Variants in LIPC observed in about 807,000 individuals in gnomAD.
LIPC encodes hepatic triacylglycerol lipase.
A neutral mutation model predicts 50.7 loss-of-function variants in LIPC; 44 were observed. That is an observed-to-expected ratio of 0.87 (90% confidence interval 0.68 to 1.11). The LOEUF (loss-of-function observed/expected upper bound fraction) is 1.11. Among genes scored for constraint, LIPC ranks in the 50% most tolerant of loss-of-function variants. The pLI, the probability that LIPC is intolerant of heterozygous loss-of-function variation, is 0.00. For missense variants in LIPC, 697 were observed against 648.2 expected (o/e 1.08, Z -0.82); for synonymous variants, 271 against 256.4 (o/e 1.06, Z -0.54).
At position 58,568,721 on chromosome 15, in the gene LIPC, C is replaced by T; in HGVS notation, c.1394C>T (p.Thr465Ile). ...GCTTCCTGTTTTCTATTCAGAATGA[C>T]ATTTTGTTCAGAAAACACAGATGAC... The part of the protein sequence containing the change: ...VKAGETQQRM[T>I]FCSENTDDLL... The change falls in exon 9 of 9, where the codon ACA (threonine) becomes ATA (isoleucine). Residue 465 changes from threonine (T) to isoleucine (I), a missense_variant. Coordinates refer to ENST00000299022, the MANE Select transcript of LIPC (RefSeq NM_000236.3). The T allele has an allele frequency of 2.5e-6, 4 of 1,581,408 alleles. No homozygotes were observed. Among genetic ancestry groups the T allele is most frequent in the Non-Finnish European group, 3.5e-6 (4 of 1,151,014 alleles).
At chr15:58,542,474 C>G in intron 3 of LIPC, 60 bp from the exon 4 acceptor site, 1 of 1,129,350 alleles carries the variant, frequency 8.9e-7, no homozygotes, top group Non-Finnish European at 1.4e-6. Flanking sequence ...CACACTGGAC[C>G]GCAAAAGGCT....
At chr15:58,530,497 C>T (rs1418311761) in intron 1 of LIPC, among the ~76,000 whole-genome samples, 1 of 152,238 alleles carries the variant, frequency 6.6e-6, no homozygotes, top group Non-Finnish European at 1.5e-5. Context: ...CAGCCTATGC[C>T]GCTCAACCTG....
Position 58,548,553 on chromosome 15 carries a change from A to G in LIPC, c.1032A>G (p.Arg344=). The change falls in exon 6 of 9, where the codon CGA becomes CGG. Residue 344 remains arginine, a synonymous_variant. Transcript: ENST00000299022. ...GCAAGAGGCTCTTCCTCGTAACGCGAGCCCAGTCCCCCTTCAAAGGTGAGT... is the reference window on the plus strand; with the variant it reads ...GCAAGAGGCTCTTCCTCGTAACGCGGGCCCAGTCCCCCTTCAAAGGTGAGT... ...SKSKRLFLVT[R]AQSPFKVYHY... The G allele has an allele frequency of 6.3e-7, 1 of 1,592,646 alleles. No homozygotes were observed. Among genetic ancestry groups the G allele is most frequent in the Non-Finnish European group, 8.5e-7 (1 of 1,170,214 alleles).
At chr15:58,556,791 C>G (rs144671771) in intron 6 of LIPC, among the ~76,000 whole-genome samples, 3 of 152,290 alleles carry the variant, frequency 2.0e-5, no homozygotes, top group Admixed American at 2.0e-4. Context: ...TTATTAGCCA[C>G]GTGACAACGA....
intron 7 of LIPC, among the ~76,000 whole-genome samples, chr15:58,562,104 T>C (rs1443904457): frequency 1.3e-5 from 2 of 152,224 alleles, no homozygotes; most frequent in African/African-American, 4.8e-5. Context: ...TTTGGTTCTT[T>C]TTGTGAACAT....
chr15:58,564,414 CTGG>C (rs1894287577), intron 8 of LIPC, among the ~76,000 whole-genome samples: 1 of 151,974 alleles, frequency 6.6e-6, no homozygotes, highest in Admixed American at 6.6e-5. Context: ...TACGAAGGAG[CTGG>C]GGTGGGGAGC....
Position 58,502,856 on chromosome 15 carries a change from A to G in LIPC, c.89-35477A>G, listed in dbSNP as rs1379168687. On this transcript the variant is annotated intron_variant, in intron 1 of 8. Transcript: ENST00000299022. ...AGCCCAACAGGCTTTAGGGAGGCAC[A>G]AGGATGAAGAGGACATGGTTATCAG... 5.9e-5 allele frequency among the ~76,000 whole-genome samples: 9 copies of G among 152,068 alleles called. No individual in the cohort carries two copies. The East Asian group carries it at 1.8e-3, about 30-fold the overall frequency.
At chr15:58,472,113 T>C (rs1470893741) in intron 1 of LIPC, among the ~76,000 whole-genome samples, 1 of 144,830 alleles carries the variant, frequency 6.9e-6, no homozygotes, top group Non-Finnish European at 1.5e-5. Flanking sequence ...CTACGAAAAA[T>C]ACAAAAAATT....
At chr15:58,551,618 T>A (rs540860753) in intron 6 of LIPC, among the ~76,000 whole-genome samples, 3 of 152,266 alleles carry the variant, frequency 2.0e-5, no homozygotes, top group East Asian at 3.9e-4. Context: ...ATCACAACCG[T>A]GATCATAACT....
intron 1 of LIPC, among the ~76,000 whole-genome samples, chr15:58,527,835 G>T (rs1270657125): frequency 2.6e-5 from 4 of 152,188 alleles, no homozygotes; most frequent in African/African-American, 9.7e-5. Flanking sequence ...TGGGCCTTCA[G>T]TCTCTAAAAG....
chr15:58,523,445 A>G (rs1338146298), intron 1 of LIPC: 1 of 152,266 alleles, frequency 6.6e-6, no homozygotes, highest in Non-Finnish European at 1.5e-5. Context: ...ACAGACACGT[A>G]AGCCAAGAAG....
intron 1 of LIPC, among the ~76,000 whole-genome samples, chr15:58,486,596 C>G (rs957568809): frequency 1.1e-4 from 16 of 152,262 alleles, no homozygotes; most frequent in Middle Eastern, 3.4e-3. Context: ...AATGAACGTA[C>G]GAGCCCAGAC....
chr15:58,561,089 T>C, intron 7 of LIPC, 108 bp downstream of exon 7: 1 of 763,746 alleles, frequency 1.3e-6, no homozygotes, highest in Non-Finnish European at 2.4e-6. Flanking sequence ...ACTACTTTAT[T>C]CCAGACGCAA....
intron 8 of LIPC, chr15:58,565,913 CAAA>C (rs55871337): frequency 6.4e-5 from 60 of 943,666 alleles, no homozygotes; most frequent in South Asian, 1.5e-4. Context: ...TCGGAGAATA[CAAA>C]AAAAAAAAAA....
intron 1 of LIPC, chr15:58,436,733 G>A (rs1251192427): frequency 6.6e-6 from 3 of 456,146 alleles, no homozygotes; most frequent in Admixed American, 2.3e-5. Flanking sequence ...GAGTAGAGAA[G>A]CAGATTTTAC....
chr15:58,567,105 G>T (rs968534826), intron 8 of LIPC, among the ~76,000 whole-genome samples: 3 of 150,796 alleles, frequency 2.0e-5, no homozygotes, highest in African/African-American at 7.3e-5. Flanking sequence ...GGGAGGCTGA[G>T]GCAAAGGAAT....
At chr15:58,537,436 G>A (rs1355655107) in intron 1 of LIPC, among the ~76,000 whole-genome samples, 4 of 152,162 alleles carry the variant, frequency 2.6e-5, no homozygotes, top group South Asian at 2.1e-4. Context: ...CACCTCCCAC[G>A]GCCTTGGAAA....
At chr15:58,489,228 G>GGGT (rs1294347533) in intron 1 of LIPC, among the ~76,000 whole-genome samples, 2 of 103,394 alleles carry the variant, frequency 1.9e-5, no homozygotes, top group African/African-American at 7.8e-5. Context: ...GGGGGCGGGG[G>GGGT]GGCGGCTTAC....
intron 1 of LIPC, among the ~76,000 whole-genome samples, chr15:58,434,273 G>A (rs1893218215): frequency 6.6e-6 from 1 of 152,074 alleles, no homozygotes; most frequent in Admixed American, 6.5e-5. Flanking sequence ...CGAGCACCAG[G>A]AAGTACTCCC....
Sources: allele counts gnomAD v4.1 joint callset (sites outside exome capture counted in the v4.1 genomes callset), GRCh38; gene constraint gnomAD v4.1.1; transcripts MANE v1.5; gene names NCBI Gene and HGNC (gene_info 2026-07-23, HGNC 2026-07-21).